ZDHHC11B: variants seen among roughly 807,000 people sequenced by gnomAD.
ZDHHC11B encodes zDHHC palmitoyltransferase 11B (putative), also known as probable palmitoyltransferase ZDHHC11B.
ZDHHC11B carries 17 observed loss-of-function variants against 42.3 expected under a neutral mutation model. The ratio of observed to expected loss-of-function variants is 0.40; its 90% CI spans 0.27 to 0.60. The LOEUF is 0.60. ZDHHC11B is among the 20% of genes least tolerant of loss of function. The pLI, the probability that ZDHHC11B is intolerant of heterozygous loss-of-function variation, is 0.41. For synonymous variants in ZDHHC11B, 123 were observed against 193.5 expected (o/e 0.64, Z 3.02); for missense variants, 262 against 463.2 (o/e 0.57, Z 3.99).
At chr5:780,781 G>A (rs1402874317) in intron 1 of ZDHHC11B, among the ~76,000 whole-genome samples, 1 of 151,910 alleles carries the variant, frequency 6.6e-6, no homozygotes, top group Non-Finnish European at 1.5e-5. Flanking sequence ...CAGTGGCTCT[G>A]TCCATGGCCC....
At chr5:777,547 G>C (rs542789719) in intron 1 of ZDHHC11B, among the ~76,000 whole-genome samples, 13 of 151,880 alleles carry the variant, frequency 8.6e-5, no homozygotes, top group Admixed American at 1.3e-4. Flanking sequence ...AATGGAGTCA[G>C]GTTGCGGCAG....
intron 9 of ZDHHC11B, among the ~76,000 whole-genome samples, chr5:742,311 CTGTT>C (rs1344010945): frequency 1.4e-5 from 2 of 145,856 alleles, no homozygotes; most frequent in Non-Finnish European, 3.0e-5. Context: ...ACTGGGTTTT[CTGTT>C]TGTTTATGTT....
At chr5:732,677 G>A (rs530154709) in intron 11 of ZDHHC11B, 442 of 448,548 alleles carry the variant, frequency 9.9e-4, no homozygotes, top group Non-Finnish European at 1.5e-3. Context: ...GCCCCCACAG[G>A]GAAGGACAAG....
At chr5:764,144 C>T (rs112911047) in intron 4 of ZDHHC11B, among the ~76,000 whole-genome samples, 12 of 152,108 alleles carry the variant, frequency 7.9e-5, no homozygotes, top group East Asian at 1.9e-4. Context: ...ATACACACCA[C>T]GCTCACCATT....
At position 752,911 on chromosome 5, in the gene ZDHHC11B, G is replaced by A. The variant is rs541290636; in HGVS notation, c.504-1654C>T. ...CCCCTCTTCATCCAGGAAAGAAGGC[G>A]GGTCTCTAAGACCACAGAGACCAGA... is the stretch of plus-strand genomic sequence containing the variant. On this transcript the variant is annotated intron_variant, in intron 6 of 13. Coordinates refer to ENST00000508859, the MANE Select transcript of ZDHHC11B (RefSeq NM_001351303.2). 4.7e-5 allele frequency among the ~76,000 whole-genome samples: 6 copies of A among 126,582 alleles called. 1 individual carries two copies. Among genetic ancestry groups the A allele is most frequent in the South Asian group, 3.7e-4 (1 of 2,704 alleles). The allele number at this position is 126,582 out of a possible 152,430, so 83.0% of individuals were successfully genotyped here.
At chr5:757,475 G>A (rs561644205) in intron 4 of ZDHHC11B, among the ~76,000 whole-genome samples, 8 of 151,920 alleles carry the variant, frequency 5.3e-5, no homozygotes, top group Non-Finnish European at 1.2e-4. Flanking sequence ...GTTCACTGCT[G>A]CTGGGCTCAC....
chr5:730,455 G>A lies in ZDHHC11B; in HGVS notation c.1037C>T (p.Ala346Val). The change falls in exon 12 of 14, where the codon GCC (alanine) becomes GTC (valine). Residue 346 changes from alanine to valine, a missense_variant. Ala to Val is a moderately conservative substitution (Grantham distance 64). Coordinates refer to ENST00000508859, the MANE Select transcript of ZDHHC11B (RefSeq NM_001351303.2). ...TTACCCAAGTGTAGATGTACTCGGG[G>A]CATCATCTGCTTCCTGTGGGGGGAA... ...GDSKAQEADDAPSTSTLGLQQ... is the reference protein window; with the variant it reads ...GDSKAQEADDVPSTSTLGLQQ... 6.4e-7 allele frequency: 1 copy of A among 1,567,668 alleles called. No homozygotes were observed. The highest frequency in any genetic ancestry group is 1.7e-4 in the Middle Eastern group (1 of 5,980).
intron 12 of ZDHHC11B, among the ~76,000 whole-genome samples, chr5:721,172 C>T (rs1302808386): frequency 6.6e-6 from 1 of 151,284 alleles, no homozygotes; most frequent in African/African-American, 2.4e-5. Flanking sequence ...TTATCCCCAG[C>T]ATAACCACTA....
chr5:780,460 C>A (rs1414746637), intron 1 of ZDHHC11B, among the ~76,000 whole-genome samples: 30 of 151,116 alleles, frequency 2.0e-4, no homozygotes, highest in South Asian at 6.2e-4. Context: ...CACTCGCGCA[C>A]ACTATTGATC....
intron 1 of ZDHHC11B, among the ~76,000 whole-genome samples, chr5:778,423 G>A (rs1375092606): frequency 6.6e-6 from 1 of 150,512 alleles, no homozygotes; most frequent in African/African-American, 2.4e-5. Flanking sequence ...GGCACAATGG[G>A]TTACAGGAGA....
intron 4 of ZDHHC11B, among the ~76,000 whole-genome samples, chr5:761,031 G>A (rs773314140): frequency 3.6e-4 from 55 of 151,884 alleles, no homozygotes; most frequent in Middle Eastern, 3.4e-3. Context: ...GCAGGCGGGC[G>A]CTGTGCTGAC....
chr5:783,358 T>G (rs1466456440), intron 1 of ZDHHC11B, among the ~76,000 whole-genome samples: 1 of 152,276 alleles, frequency 6.6e-6, no homozygotes, highest in Admixed American at 6.5e-5. Context: ...CTCCACTTCC[T>G]GCCCCTTCCC....
rs571577012 is a variant in ZDHHC11B, at chr5:777,424, G to A, written c.-230+7244C>T. Among the ~76,000 whole-genome samples the A allele has an allele frequency of 4.0e-5, 6 of 151,672 alleles. 1 individual carries two copies. The highest frequency in any genetic ancestry group is 5.9e-5 in the Non-Finnish European group (4 of 67,848). ...CTCAAGAGCAAAGCTGCAGACCTTC[G>A]CTGCAGACCTCCCTGGTGAGTGCTA... On this transcript the variant is annotated intron_variant, in intron 1 of 13. Transcript: ENST00000508859.
At position 748,143 on chromosome 5, in the gene ZDHHC11B, A is replaced by G; in HGVS notation, c.784+261T>C. 4 of 561,306 alleles carry G rather than the reference A, an allele frequency of 7.1e-6. 2 individuals are homozygous for G. 34.8% of individuals were successfully genotyped at this position (561,306 alleles called of 1,614,324 possible). ...TTCAAGCACCCGGCAGCGCTCCTGC[A>G]GGTCTCAGCGTTGAGTTCAGCTTCT... On this transcript the variant is annotated intron_variant, in intron 8 of 13. Coordinates refer to ENST00000508859, the MANE Select transcript of ZDHHC11B (RefSeq NM_001351303.2).
At chr5:771,477 C>CGTGGGGGCAGGATCCTG (rs1425343757) in intron 1 of ZDHHC11B, among the ~76,000 whole-genome samples, 1 of 47,098 alleles carries the variant, frequency 2.1e-5, no homozygotes, top group East Asian at 6.3e-4. Context: ...GGCAGGACCG[C>CGTGGGGGCAGGATCCTG]GTGGGGGCAG....
rs1561126225 is a variant in ZDHHC11B, at chr5:732,662, GC to G, written c.1023+1089del. ...AATCCTGGGGAAGTGCGGTGAGGCGGCCCTGCCCCCACAGGGAAGGACAAGT... is the reference window on the plus strand; with the variant it reads ...AATCCTGGGGAAGTGCGGTGAGGCGGCCTGCCCCCACAGGGAAGGACAAGT... On this transcript the variant is annotated intron_variant, in intron 11 of 13. Transcript: ENST00000508859. 3 of 450,660 alleles carry G rather than the reference GC, an allele frequency of 6.7e-6. No homozygotes were observed. In the Admixed American group the frequency reaches 7.1e-5, roughly 11 times the overall value. The allele number at this position is 450,660 out of a possible 1,614,324, so 27.9% of individuals were successfully genotyped here. A position where few individuals can be genotyped will look rare whatever the true frequency, so the allele number is the denominator to read the frequency against.
At chr5:772,788 T>C (rs1232866304) in intron 1 of ZDHHC11B, among the ~76,000 whole-genome samples, 1 of 151,756 alleles carries the variant, frequency 6.6e-6, no homozygotes, top group Admixed American at 6.6e-5. Flanking sequence ...CCAGAAATGC[T>C]TCCAAAGCCC....
intron 4 of ZDHHC11B, among the ~76,000 whole-genome samples, chr5:756,442 C>T (rs1301822761): frequency 6.6e-6 from 1 of 151,694 alleles, no homozygotes; most frequent in African/African-American, 2.4e-5. Flanking sequence ...TGAGGCTACC[C>T]ATCGGCCCTG....
intron 12 of ZDHHC11B, among the ~76,000 whole-genome samples, chr5:721,541 G>A (rs1175556713): frequency 3.3e-5 from 5 of 151,342 alleles, no homozygotes; most frequent in Non-Finnish European, 7.4e-5. Context: ...GAGGGTCCCA[G>A]GGGCAAGGGT....
Sources: gnomAD v4.1 joint callset for allele counts (sites outside exome capture counted in the v4.1 genomes callset) on GRCh38, gnomAD v4.1.1 for gene constraint, MANE v1.5 for transcripts, NCBI Gene and HGNC (gene_info 2026-07-23, HGNC 2026-07-21) for gene names.